The following CNTNAP4 variants were observed in gnomAD, a reference collection of about 807,000 sequenced individuals.
The protein encoded by CNTNAP4 is contactin-associated protein-like 4.
A neutral mutation model predicts 148.4 loss-of-function variants in CNTNAP4; 98 were observed. The observed-to-expected ratio is 0.66, with a 90% CI of 0.56 to 0.78. The LOEUF (loss-of-function observed/expected upper bound fraction) is 0.78, where lower values mean the gene tolerates loss of function less well. Ranked by LOEUF, CNTNAP4 falls within the 30% of genes least tolerant of loss-of-function variation. The pLI, the probability that CNTNAP4 is intolerant of heterozygous loss-of-function variation, is 0.00. For missense variants in CNTNAP4, 1,935 were observed against 1,565.6 expected (o/e 1.24, Z -3.98); for synonymous variants, 730 against 565.1 (o/e 1.29, Z -4.14).
intron 1 of CNTNAP4, among the ~76,000 whole-genome samples, chr16:76,313,365 A>G (rs1392367769): frequency 1.3e-5 from 2 of 152,188 alleles, no homozygotes; most frequent in Non-Finnish European, 2.9e-5. Flanking sequence ...TCCTAGTTCT[A>G]GTAAACACAC....
At chr16:76,404,039 A>T (rs1300377844) in intron 3 of CNTNAP4, among the ~76,000 whole-genome samples, 1 of 152,150 alleles carries the variant, frequency 6.6e-6, no homozygotes, top group Non-Finnish European at 1.5e-5. Flanking sequence ...ACTGGGGCTT[A>T]CTTGAGAGTG....
chr16:76,293,356 G>T (rs1363178284), intron 1 of CNTNAP4, among the ~76,000 whole-genome samples: 4 of 152,116 alleles, frequency 2.6e-5, no homozygotes, highest in Non-Finnish European at 2.9e-5. Context: ...ATGACCTCGT[G>T]ATCTCGTTTT....
chr16:76,398,476 T>A lies in CNTNAP4; in HGVS notation c.391-28976T>A, dbSNP rs1026423315. ...TACCCACTTTTCCAGCCATGGACAC[T>A]GAGGTTGCTTTCAATTCTCAGCCAC... On this transcript the variant is annotated intron_variant, in intron 3 of 23. Transcript: ENST00000611870. 2.6e-5 allele frequency among the ~76,000 whole-genome samples: 4 copies of A among 152,160 alleles called. No homozygotes were observed. The South Asian group carries it at 8.3e-4, about 32-fold the overall frequency.
intron 3 of CNTNAP4, among the ~76,000 whole-genome samples, chr16:76,424,894 C>G (rs891215758): frequency 6.6e-6 from 1 of 152,144 alleles, no homozygotes; most frequent in Non-Finnish European, 1.5e-5. Flanking sequence ...AAACATTGCC[C>G]TATATCAGCC....
At chr16:76,295,680 T>G (rs943648945) in intron 1 of CNTNAP4, among the ~76,000 whole-genome samples, 1 of 152,146 alleles carries the variant, frequency 6.6e-6, no homozygotes, top group African/African-American at 2.4e-5. Flanking sequence ...TGTCGGAAAG[T>G]AGTGACATGT....
intron 23 of CNTNAP4, 136 bp downstream of exon 23, chr16:76,554,043 G>A (rs1016269379): frequency 1.3e-5 from 7 of 547,552 alleles, no homozygotes; most frequent in Admixed American, 6.7e-5. Flanking sequence ...TCATTGGGGT[G>A]ATTTACTATT....
chr16:76,471,526 C>T (rs568423559), intron 10 of CNTNAP4, among the ~76,000 whole-genome samples: 173 of 152,240 alleles, frequency 1.1e-3, no homozygotes, highest in African/African-American at 3.9e-3. Context: ...ACCTGTCCTT[C>T]CAATCCACCC....
At chr16:76,499,362 C>A (rs2082534488) in intron 15 of CNTNAP4, among the ~76,000 whole-genome samples, 1 of 152,020 alleles carries the variant, frequency 6.6e-6, no homozygotes, top group South Asian at 2.1e-4. Flanking sequence ...TCTCCAGCCA[C>A]TATACCCCTG....
chr16:76,504,379 A>G (rs547175152), intron 15 of CNTNAP4, among the ~76,000 whole-genome samples: 77 of 152,042 alleles, frequency 5.1e-4, no homozygotes, highest in African/African-American at 1.7e-3. Context: ...ACAGATCTGG[A>G]ACAATTCGAA....
chr16:76,324,793 AT>A (rs1465163158), intron 2 of CNTNAP4, among the ~76,000 whole-genome samples: 1 of 152,024 alleles, frequency 6.6e-6, no homozygotes, highest in East Asian at 1.9e-4. Flanking sequence ...ATGAAAAGAG[AT>A]CTCTCTCTCT....
chr16:76,545,175 A>G (rs2084656404), intron 21 of CNTNAP4, among the ~76,000 whole-genome samples: 1 of 152,344 alleles, frequency 6.6e-6, no homozygotes, highest in South Asian at 2.1e-4. Context: ...AAAATGTATC[A>G]GGTCCATTGA....
chr16:76,543,949 C>G (rs1005978505), intron 21 of CNTNAP4, among the ~76,000 whole-genome samples: 59 of 93,936 alleles, frequency 6.3e-4, no homozygotes, highest in Non-Finnish European at 1.2e-3. Flanking sequence ...AAATACATAC[C>G]TTGTGATCAC....
At chr16:76,409,934 A>C (rs2078733717) in intron 3 of CNTNAP4, among the ~76,000 whole-genome samples, 1 of 151,916 alleles carries the variant, frequency 6.6e-6, no homozygotes, top group Admixed American at 6.6e-5. Flanking sequence ...CTTGTTATGA[A>C]GGAGGCAGAT....
intron 2 of CNTNAP4, among the ~76,000 whole-genome samples, chr16:76,346,218 A>C (rs910824460): frequency 6.6e-6 from 1 of 152,152 alleles, no homozygotes. Flanking sequence ...TAATTGGGGA[A>C]ATATTAAATG....
chr16:76,360,953 A>T lies in CNTNAP4; in HGVS notation c.390+5442A>T, dbSNP rs140729964. 3.5e-3 allele frequency among the ~76,000 whole-genome samples: 532 copies of T among 151,252 alleles called. 3 individuals carry two copies. The highest frequency in any genetic ancestry group is 0.012 in the African/African-American group (502 of 41,204). On this transcript the variant is annotated intron_variant, in intron 3 of 23. Coordinates refer to ENST00000611870, the MANE Select transcript of CNTNAP4 (RefSeq NM_033401.5). ...TGCCTCAGCCTCCCTAGTAGCTGGAACTACAGGCGCCTGCCTCCACACCCG... is the reference window on the plus strand; with the variant it reads ...TGCCTCAGCCTCCCTAGTAGCTGGATCTACAGGCGCCTGCCTCCACACCCG...
At chr16:76,535,833 T>C in intron 18 of CNTNAP4, 49 bp downstream of exon 18, 1 of 1,555,280 alleles carries the variant, frequency 6.4e-7, no homozygotes, top group Non-Finnish European at 8.7e-7. Context: ...TCAATGTGGA[T>C]TAAATGTCTG....
At chr16:76,412,729 A>T (rs552785358) in intron 3 of CNTNAP4, among the ~76,000 whole-genome samples, 1 of 151,548 alleles carries the variant, frequency 6.6e-6, no homozygotes, top group African/African-American at 2.4e-5. Flanking sequence ...GGATACTAAT[A>T]TACTGAAAAA....
At chr16:76,319,436 C>T (rs1301129391) in intron 2 of CNTNAP4, among the ~76,000 whole-genome samples, 1 of 152,114 alleles carries the variant, frequency 6.6e-6, no homozygotes, top group Non-Finnish European at 1.5e-5. Context: ...ATTAAACATA[C>T]TTTCCATTCG....
At chr16:76,549,016 G>A (rs1345323506) in intron 21 of CNTNAP4, among the ~76,000 whole-genome samples, 3 of 152,050 alleles carry the variant, frequency 2.0e-5, no homozygotes, top group African/African-American at 7.2e-5. Context: ...CTTCCGATTC[G>A]AATTCTACCC....
Sources: allele counts gnomAD v4.1 joint callset (sites outside exome capture counted in the v4.1 genomes callset), GRCh38; gene constraint gnomAD v4.1.1; transcripts MANE v1.5; gene names NCBI Gene and HGNC (gene_info 2026-07-23, HGNC 2026-07-21).